Variants in TSBP1 observed in about 807,000 individuals in gnomAD.
TSBP1 encodes testis expressed basic protein 1, also known as testis-expressed basic protein 1.
Under a neutral mutation model 68.8 loss-of-function variants are expected in TSBP1, and 56 were observed. That is an observed-to-expected ratio of 0.81 (90% CI 0.66 to 1.02). The LOEUF (loss-of-function observed/expected upper bound fraction) is 1.02, where lower values mean the gene tolerates loss of function less well. Ranked by LOEUF, TSBP1 falls within the 50% of genes least tolerant of loss-of-function variation. The pLI, the probability that TSBP1 is intolerant of heterozygous loss-of-function variation, is 0.00. For missense variants in TSBP1, 502 were observed against 641.2 expected, an observed-to-expected ratio of 0.78 and a Z score of 2.34; for synonymous variants, 171 against 208.7, an observed-to-expected ratio of 0.82 and a Z score of 1.56.
At position 32,304,213 on chromosome 6, in the gene TSBP1, C is replaced by T. The variant is rs1249829479; in HGVS notation, c.581-1584G>A. ...AACAAAAGAAAGAAAGAAAGAAAGA[C>T]CCAAACTAAACCAAAATAGAAACCA... On this transcript the variant is annotated intron_variant, in intron 19 of 22. Transcript: ENST00000612031. This position sits in a 1 kb window ranked among gnomAD's most constrained non-coding sequence, Gnocchi z 4.8. 6.6e-6 allele frequency among the ~76,000 whole-genome samples: 1 copy of T among 151,702 alleles called. No individual in the cohort carries two copies. Among genetic ancestry groups the T allele is most frequent in the Non-Finnish European group, 1.5e-5 (1 of 67,954 alleles).
chr6:32,357,466 G>C lies in TSBP1; in HGVS notation c.218-1797C>G, dbSNP rs1772477700. The stretch of plus-strand genomic sequence containing the variant: ...TGGGCAAGTCATTAATGTTTTTTAA[G>C]CATAAGTTTCTCTTCTGTAAATTAG... On this transcript the variant is annotated intron_variant, in intron 6 of 22. Coordinates refer to ENST00000612031, the Ensembl canonical transcript of TSBP1. This position sits in a 1 kb window ranked among gnomAD's most constrained non-coding sequence, Gnocchi z 4.7. 6.6e-6 allele frequency among the ~76,000 whole-genome samples: 1 copy of C among 152,160 alleles called. No individual in the cohort carries two copies. The highest frequency in any genetic ancestry group is 2.1e-4 in the South Asian group (1 of 4,826).
chr6:32,293,556 T>C (rs369976372), exon 23 of TSBP1: 78 of 1,611,568 alleles, frequency 4.8e-5, no homozygotes, highest in Non-Finnish European at 6.5e-5. Flanking sequence ...GGCACACCCA[T>C]CTCACTCTTC....
intron 9 of TSBP1, among the ~76,000 whole-genome samples, chr6:32,349,233 G>T (rs1298868068): frequency 6.8e-6 from 1 of 147,250 alleles, no homozygotes; most frequent in Non-Finnish European, 1.5e-5. Flanking sequence ...GGGCAGGAAT[G>T]AGTATCAGAA....
Position 32,310,761 on chromosome 6 carries a change from A to ATATATATATTTTTTT in TSBP1, c.580+5010_580+5011insAAAAAAATATATATA. Among the ~76,000 whole-genome samples, 205 of 144,824 alleles carry ATATATATATTTTTTT rather than the reference A, an allele frequency of 1.4e-3. 1 individual carries two copies. The highest frequency in any genetic ancestry group is 2.0e-3 in the East Asian group (10 of 5,010). ...TATATATACATATATATATATATAT[A>ATATATATATTTTTTT]TTTTTAATCTTTTTAGAAAGGATAG... On this transcript the variant is annotated intron_variant, in intron 19 of 22. Coordinates refer to ENST00000612031, the Ensembl canonical transcript of TSBP1.
intron 18 of TSBP1, among the ~76,000 whole-genome samples, chr6:32,320,547 C>T (rs145273012): frequency 2.6e-5 from 4 of 152,162 alleles, no homozygotes; most frequent in Non-Finnish European, 5.9e-5. Flanking sequence ...TTTTCATCCC[C>T]TCACTGTTCC....
At chr6:32,366,541 A>ACT in intron 4 of TSBP1, 1 of 478,704 alleles carries the variant, frequency 2.1e-6, no homozygotes, top group Non-Finnish European at 3.8e-6. Context: ...AGGCGGGTGG[A>ACT]TCACGAGGTC....
intron 19 of TSBP1, among the ~76,000 whole-genome samples, chr6:32,312,405 A>G (rs6939410): frequency 0.2 from 30,985 of 152,100 alleles, 3,323 homozygotes; most frequent in Non-Finnish European, 0.22. Flanking sequence ...AGTGTGCCTG[A>G]GACGGGCCAT....
rs577356779 is a variant in TSBP1, at chr6:32,298,776, G to C, written c.637+1146C>G. Among the ~76,000 whole-genome samples the C allele has an allele frequency of 2.0e-5, 3 of 152,198 alleles. No homozygotes were observed. The East Asian group carries it at 5.8e-4, about 29-fold the overall frequency. On this transcript the variant is annotated intron_variant, in intron 22 of 22. Transcript: ENST00000612031. ...TTGAAACGTGTCTCACTAGGTTTAA[G>C]TCTTATTTGCTTCTTTTGATCATAT...
rs1770188263 is a variant in TSBP1 at position 32,340,312 on chromosome 6, G to C, written c.350-674C>G. 6.6e-6 allele frequency among the ~76,000 whole-genome samples: 1 copy of C among 151,654 alleles called. No individual in the cohort carries two copies. The highest frequency in any genetic ancestry group is 6.6e-5 in the Admixed American group (1 of 15,210). On this transcript the variant is annotated intron_variant, in intron 9 of 22. Coordinates refer to ENST00000612031, the Ensembl canonical transcript of TSBP1. The surrounding 1 kb of genome is among the most constrained non-coding windows in gnomAD (Gnocchi z 4.8). Reference sequence around the variant, plus strand: ...AATTGAATAATTTGTTTCCTTCTTTGTGTATAATTATTTTTCGCTTATTTG... The same window carrying C: ...AATTGAATAATTTGTTTCCTTCTTTCTGTATAATTATTTTTCGCTTATTTG...
At chr6:32,367,164 C>A (rs1021391246) in intron 4 of TSBP1, among the ~76,000 whole-genome samples, 2 of 149,962 alleles carry the variant, frequency 1.3e-5, no homozygotes, top group Non-Finnish European at 3.0e-5. Context: ...TGGCTTCCAG[C>A]AAGAATGAGA....
intron 18 of TSBP1, among the ~76,000 whole-genome samples, chr6:32,320,391 G>A (rs1002185096): frequency 4.6e-5 from 7 of 152,072 alleles, no homozygotes; most frequent in African/African-American, 9.7e-5. Flanking sequence ...TGTGCATGGG[G>A]AGGCAGTATA....
chr6:32,339,077 C>A, intron 10 of TSBP1, 78 bp from the exon 12 acceptor site: 3 of 1,122,970 alleles, frequency 2.7e-6, no homozygotes, highest in Non-Finnish European at 4.1e-6. Context: ...TCAGATCAAG[C>A]ATTTACTACA....
intron 16 of TSBP1, among the ~76,000 whole-genome samples, chr6:32,328,565 G>A (rs1197314356): frequency 4.0e-5 from 6 of 151,806 alleles, no homozygotes; most frequent in African/African-American, 9.7e-5. Context: ...ACAGGCATGC[G>A]CTACCATGCC....
rs1282103180 is a variant in TSBP1, at chr6:32,365,308, T to C, written c.217+859A>G. 2 of 456,850 alleles carry C rather than the reference T, an allele frequency of 4.4e-6. No homozygotes were observed. The highest frequency in any genetic ancestry group is 4.4e-6 in the Non-Finnish European group (1 of 226,996). 28.3% of individuals were successfully genotyped at this position (456,850 alleles called of 1,614,324 possible). On this transcript the variant is annotated intron_variant, in intron 6 of 22. Transcript: ENST00000612031. This position sits in a 1 kb window ranked among gnomAD's most constrained non-coding sequence, Gnocchi z 4.3. The stretch of plus-strand genomic sequence containing the variant: ...CTCTGGAATTCTCAAGTTTGTGTCC[T>C]TTTTTCCAATCCCACAAAGTCAAAC...
At chr6:32,324,815 TC>T in intron 16 of TSBP1, 1 of 1,206,952 alleles carries the variant, frequency 8.3e-7, no homozygotes, top group Non-Finnish European at 1.1e-6. Context: ...ACTAGAAATT[TC>T]CAGAAAACTA....
In TSBP1 at chr6:32,361,638, T is replaced by C. The variant is rs7738693; in HGVS notation, c.217+4529A>G. 0.77 allele frequency among the ~76,000 whole-genome samples: 116,833 copies of C among 152,036 alleles called. 45,179 individuals carry two copies. The highest frequency in any genetic ancestry group is 0.9 in the South Asian group (4,317 of 4,822). On this transcript the variant is annotated intron_variant, in intron 6 of 22. Coordinates refer to ENST00000612031, the Ensembl canonical transcript of TSBP1. This position sits in a 1 kb window ranked among gnomAD's most constrained non-coding sequence, Gnocchi z 4.3. The stretch of plus-strand genomic sequence containing the variant: ...TTCTCTGATGGCCAGTGATGATGAG[T>C]ATTTTTTCATATGTCTGTTGGCTGC...
At chr6:32,371,788 A>G in exon 1 of TSBP1, 2 of 1,551,044 alleles carry the variant, frequency 1.3e-6, no homozygotes, top group Non-Finnish European at 1.8e-6. Context: ...GAAAAACTCA[A>G]GTTCACTGTT....
intron 6 of TSBP1, among the ~76,000 whole-genome samples, chr6:32,358,305 A>G (rs193294939): frequency 1.2e-4 from 19 of 152,252 alleles, no homozygotes; most frequent in African/African-American, 4.6e-4. Context: ...AAGAAATATG[A>G]GATGTAAATG....
At chr6:32,366,498 T>C in intron 4 of TSBP1, 196 bp from the exon 5 acceptor site, 1 of 627,190 alleles carries the variant, frequency 1.6e-6, no homozygotes, top group Non-Finnish European at 2.8e-6. Context: ...GCGTGGTGGC[T>C]CACGCCTATG....
Sources: allele counts gnomAD v4.1 joint callset (sites outside exome capture counted in the v4.1 genomes callset), GRCh38; gene constraint gnomAD v4.1.1; non-coding constraint Gnocchi (gnomAD v3.1); transcripts MANE v1.5; gene names NCBI Gene and HGNC (gene_info 2026-07-23, HGNC 2026-07-21).